Variants in MAP3K4 observed in about 807,000 individuals in gnomAD.
MAP3K4 encodes mitogen-activated protein kinase kinase kinase 4, also known as MAP three kinase 1.
A neutral mutation model predicts 185.6 loss-of-function variants in MAP3K4; 67 were observed. The ratio of observed to expected loss-of-function variants is 0.36; its 90% CI spans 0.30 to 0.44. The LOEUF is 0.44. Ranked by LOEUF, MAP3K4 falls within the 20% of genes least tolerant of loss-of-function variation. The pLI, the probability that MAP3K4 is intolerant of heterozygous loss-of-function variation, is 1.00. For missense variants in MAP3K4, 1,551 were observed against 1,995.1 expected (o/e 0.78, Z 4.24); for synonymous variants, 702 against 710.4 (o/e 0.99, Z 0.19).
At position 161,044,031 on chromosome 6, in the gene MAP3K4, A is replaced by G. The variant is rs1355565772; in HGVS notation, c.344-4585A>G. ...TTGTCTTATATCCGTCAGATGAACC[A>G]TATTGCTTGTCATTGGTTCCTTTCA... is the stretch of plus-strand genomic sequence containing the variant. On this transcript the variant is annotated intron_variant, in intron 2 of 26. Coordinates refer to ENST00000392142, the MANE Select transcript of MAP3K4 (RefSeq NM_005922.4). Among the ~76,000 whole-genome samples the G allele has an allele frequency of 2.6e-5, 4 of 152,230 alleles. No individual in the cohort carries two copies. In the East Asian group the frequency reaches 7.7e-4, roughly 29 times the overall value.
At chr6:161,032,354 T>C (rs1019713918) in intron 1 of MAP3K4, among the ~76,000 whole-genome samples, 7 of 152,174 alleles carry the variant, frequency 4.6e-5, no homozygotes, top group East Asian at 1.9e-4. Flanking sequence ...CCAAGGCCTG[T>C]GATATGAATG....
chr6:161,028,897 A>G (rs879712189), intron 1 of MAP3K4, among the ~76,000 whole-genome samples: 5 of 152,224 alleles, frequency 3.3e-5, no homozygotes, highest in Admixed American at 1.3e-4. Flanking sequence ...ACATTGATAA[A>G]TTGACTCGTG....
chr6:161,070,928 T>G lies in MAP3K4; in HGVS notation c.1950+78T>G. On this transcript the variant is annotated intron_variant, in intron 4 of 26. Coordinates refer to ENST00000392142, the MANE Select transcript of MAP3K4 (RefSeq NM_005922.4). The surrounding 1 kb of genome is among the most constrained non-coding windows in gnomAD (Gnocchi z 4.5). Reference sequence around the variant, plus strand: ...GGCTTATCATTTTTATTTTGAGAGTTCCTTTTTTTTTCTTAATTGTCGCAA... The same window carrying G: ...GGCTTATCATTTTTATTTTGAGAGTGCCTTTTTTTTTCTTAATTGTCGCAA... The G allele has an allele frequency of 7.5e-7, 1 of 1,329,204 alleles. No homozygotes were observed. Among genetic ancestry groups the G allele is most frequent in the Non-Finnish European group, 1.0e-6 (1 of 1,001,576 alleles). The allele number at this position is 1,329,204 out of a possible 1,614,324, so 82.3% of individuals were successfully genotyped here. A position where few individuals can be genotyped will look rare whatever the true frequency, so the allele number is the denominator to read the frequency against.
rs1179682308 is a variant in MAP3K4, at chr6:161,096,506, T to C, written c.3428-574T>C. 6.6e-6 allele frequency among the ~76,000 whole-genome samples: 1 copy of C among 152,180 alleles called. No individual in the cohort carries two copies. Among genetic ancestry groups the C allele is most frequent in the Non-Finnish European group, 1.5e-5 (1 of 68,020 alleles). On this transcript the variant is annotated intron_variant, in intron 15 of 26. Coordinates refer to ENST00000392142, the MANE Select transcript of MAP3K4 (RefSeq NM_005922.4). This position sits in a 1 kb window ranked among gnomAD's most constrained non-coding sequence, Gnocchi z 4.9. ...AGGTAAGATCTCTAATTTTAAATTTTATCTAGTTTTAAATTTTTATTTTAA... is the reference window on the plus strand; with the variant it reads ...AGGTAAGATCTCTAATTTTAAATTTCATCTAGTTTTAAATTTTTATTTTAA...
intron 1 of MAP3K4, among the ~76,000 whole-genome samples, chr6:161,031,602 C>T (rs9458102): frequency 0.22 from 33,427 of 152,054 alleles, 5,147 homozygotes; most frequent in African/African-American, 0.43. Context: ...TCAGTCCCTC[C>T]TCACAACAAT....
chr6:161,042,262 G>A (rs1783502971), intron 2 of MAP3K4, among the ~76,000 whole-genome samples: 1 of 152,114 alleles, frequency 6.6e-6, no homozygotes. Context: ...TCATGGCCCA[G>A]CCTTCACCAA....
rs567179713 is a variant in MAP3K4 at position 161,109,298 on chromosome 6, G to T, written c.4236+439G>T. Among the ~76,000 whole-genome samples, 1 of 152,300 alleles carries T rather than the reference G, an allele frequency of 6.6e-6. No homozygotes were observed. Among genetic ancestry groups the T allele is most frequent in the African/African-American group, 2.4e-5 (1 of 41,556 alleles). ...CCTTGTGTTTAGAAATAAACACGTC[G>T]AGGGAAAGAGGATAACTTGGAGCAT... On this transcript the variant is annotated intron_variant, in intron 22 of 26. Coordinates refer to ENST00000392142, the MANE Select transcript of MAP3K4 (RefSeq NM_005922.4). The surrounding 1 kb of genome is among the most constrained non-coding windows in gnomAD (Gnocchi z 5.7).
At position 160,996,729 on chromosome 6, in the gene MAP3K4, A is replaced by G. The variant is rs928842866; in HGVS notation, c.152+4646A>G. 1.3e-5 allele frequency among the ~76,000 whole-genome samples: 2 copies of G among 152,174 alleles called. No homozygotes were observed. Among genetic ancestry groups the G allele is most frequent in the African/African-American group, 4.8e-5 (2 of 41,438 alleles). On this transcript the variant is annotated intron_variant, in intron 1 of 26. Transcript: ENST00000392142. This position sits in a 1 kb window ranked among gnomAD's most constrained non-coding sequence, Gnocchi z 4.5. ...TTGGCACGATAATCAAGGCCCAGAC[A>G]CTCACTGTGCTTGGCTTCTCAGGCA...
In MAP3K4 at chr6:161,080,778, G is replaced by A. The variant is rs1019296828; in HGVS notation, c.2098-103G>A. On this transcript the variant is annotated intron_variant, in intron 5 of 26. Transcript: ENST00000392142. This position sits in a 1 kb window ranked among gnomAD's most constrained non-coding sequence, Gnocchi z 4.8. ...GTGCTGCGTGCCTGTGACAGCCCCC[G>A]GCCCGCCCCCACTTTACCCTGCTGA... 37 of 1,005,488 alleles carry A rather than the reference G, an allele frequency of 3.7e-5. No homozygotes were observed. The highest frequency in any genetic ancestry group is 3.0e-4 in the Middle Eastern group (1 of 3,340). 62.3% of individuals were successfully genotyped at this position (1,005,488 alleles called of 1,614,324 possible).
At chr6:161,068,811 C>T (rs1331691582) in intron 3 of MAP3K4, among the ~76,000 whole-genome samples, 2 of 152,190 alleles carry the variant, frequency 1.3e-5, no homozygotes, top group Non-Finnish European at 2.9e-5. Flanking sequence ...GAAAGCCAAG[C>T]TGTCCGTTGG....
chr6:161,080,662 A>G lies in MAP3K4; in HGVS notation c.2098-219A>G. Reference sequence around the variant, plus strand: ...GGATTTTGAAGGGGTTGTCAATAATATGTTAAATTGCTGGGGAGTTAGTTT... The same window carrying G: ...GGATTTTGAAGGGGTTGTCAATAATGTGTTAAATTGCTGGGGAGTTAGTTT... On this transcript the variant is annotated intron_variant, in intron 5 of 26. Transcript: ENST00000392142. The surrounding 1 kb of genome is among the most constrained non-coding windows in gnomAD (Gnocchi z 4.8). 2.0e-6 allele frequency: 1 copy of G among 494,988 alleles called. No homozygotes were observed. The highest frequency in any genetic ancestry group is 3.7e-5 in the East Asian group (1 of 27,282). The allele number at this position is 494,988 out of a possible 1,614,324, so 30.7% of individuals were successfully genotyped here.
At chr6:161,031,934 C>T (rs959716356) in intron 1 of MAP3K4, among the ~76,000 whole-genome samples, 21 of 152,114 alleles carry the variant, frequency 1.4e-4, no homozygotes, top group African/African-American at 4.1e-4. Flanking sequence ...TTTGCTATTT[C>T]GTATCTGACT....
Position 161,007,482 on chromosome 6 carries a change from T to C in MAP3K4, c.152+15399T>C, listed in dbSNP as rs564974313. On this transcript the variant is annotated intron_variant, in intron 1 of 26. Coordinates refer to ENST00000392142, the MANE Select transcript of MAP3K4 (RefSeq NM_005922.4). This position sits in a 1 kb window ranked among gnomAD's most constrained non-coding sequence, Gnocchi z 4.5. ...CGTGGATTTCCTATCCATTGCTCTC[T>C]TAAGGAGCACAGGGCTCAGATAAAG... Among the ~76,000 whole-genome samples, 115 of 152,340 alleles carry C rather than the reference T, an allele frequency of 7.5e-4. No homozygotes were observed. The highest frequency in any genetic ancestry group is 2.6e-3 in the African/African-American group (108 of 41,586).
intron 1 of MAP3K4, among the ~76,000 whole-genome samples, chr6:161,015,392 A>C (rs1276227965): frequency 6.6e-6 from 1 of 152,066 alleles, no homozygotes; most frequent in Non-Finnish European, 1.5e-5. Context: ...CTGTGCAGCA[A>C]ACCACCATGG....
At chr6:161,085,410 T>A (rs923667973) in intron 7 of MAP3K4, among the ~76,000 whole-genome samples, 1 of 152,182 alleles carries the variant, frequency 6.6e-6, no homozygotes, top group African/African-American at 2.4e-5. Context: ...GGTATTTAGG[T>A]CGAAACTTTT....
At chr6:161,030,073 G>A (rs542679832) in intron 1 of MAP3K4, among the ~76,000 whole-genome samples, 55 of 152,172 alleles carry the variant, frequency 3.6e-4, no homozygotes, top group Non-Finnish European at 6.9e-4. Flanking sequence ...TTGGATCTGC[G>A]AGCTTATGGT....
chr6:161,070,646 T>C lies in MAP3K4; in HGVS notation c.1746T>C (p.Tyr582=). The change falls in exon 4 of 27, where the codon TAT becomes TAC. Residue 582 remains tyrosine, a synonymous_variant. Coordinates refer to ENST00000392142, the MANE Select transcript of MAP3K4 (RefSeq NM_005922.4). This position sits in a 1 kb window ranked among gnomAD's most constrained non-coding sequence, Gnocchi z 4.5. ...CAGATCCCATGTGGGGTTCAGATTA[T>C]GTGCAGTTGTCAAGGACACCACCTT... The part of the protein sequence containing the change: ...EFPDPMWGSD[Y]VQLSRTPPSS... 6.2e-7 allele frequency: 1 copy of C among 1,614,026 alleles called. No homozygotes were observed. Among genetic ancestry groups the C allele is most frequent in the South Asian group, 1.1e-5 (1 of 91,064 alleles).
At position 160,991,937 on chromosome 6, in the gene MAP3K4, A is replaced by T; in HGVS notation, c.6A>T (p.Arg2Ser). ...ATGCGGGGCTCCGTGCACGGATGAG[A>T]GAAGCCGCTGCCGCGCTGGTCCCTC... M[R>S]EAAAALVPPP... The change falls in exon 1 of 27, where the codon AGA becomes AGT. Residue 2 changes from arginine (R) to serine (S), a missense_variant. Around this residue, in one of 16 missense-constraint regions of MAP3K4, gnomAD observed 287 missense variants for 268.8 expected, o/e 1.07. Coordinates refer to ENST00000392142, the MANE Select transcript of MAP3K4 (RefSeq NM_005922.4). This position sits in a 1 kb window ranked among gnomAD's most constrained non-coding sequence, Gnocchi z 5.7. 2 of 1,538,868 alleles carry T rather than the reference A, an allele frequency of 1.3e-6. No homozygotes were observed. The highest frequency in any genetic ancestry group is 1.2e-5 in the South Asian group (1 of 84,128).
At position 161,110,257 on chromosome 6, in the gene MAP3K4, C is replaced by A. The variant is rs1163479450; in HGVS notation, c.4396+343C>A. Among the ~76,000 whole-genome samples the A allele has an allele frequency of 6.6e-6, 1 of 152,106 alleles. No individual in the cohort carries two copies. The highest frequency in any genetic ancestry group is 1.5e-5 in the Non-Finnish European group (1 of 68,020). On this transcript the variant is annotated intron_variant, in intron 23 of 26. Coordinates refer to ENST00000392142, the MANE Select transcript of MAP3K4 (RefSeq NM_005922.4). This position sits in a 1 kb window ranked among gnomAD's most constrained non-coding sequence, Gnocchi z 4.8. The stretch of plus-strand genomic sequence containing the variant: ...TTTTCTCTCGTGTCAGGATTCTTGT[C>A]TATTTATATATGAAAATCATGAATA...
Sources: gnomAD v4.1 joint callset for allele counts (sites outside exome capture counted in the v4.1 genomes callset) on GRCh38, gnomAD v4.1.1 for gene constraint, gnomAD v4.1.1 regional missense constraint, Gnocchi (gnomAD v3.1) non-coding constraint, MANE v1.5 for transcripts, NCBI Gene and HGNC (gene_info 2026-07-23, HGNC 2026-07-21) for gene names.